Variants in AOAH observed in about 807,000 individuals in gnomAD.
AOAH encodes the protein acyloxyacyl hydrolase (neutrophil).
Under a neutral mutation model 92.2 loss-of-function variants are expected in AOAH, and 64 were observed. The observed-to-expected ratio is 0.69, with a 90% CI of 0.57 to 0.86. The LOEUF is 0.86. AOAH is among the 40% of genes least tolerant of loss of function. AOAH has a pLI of 0.00. For missense variants in AOAH, 656 were observed against 694.6 expected (o/e 0.94, Z 0.62); for synonymous variants, 263 against 254.5 (o/e 1.03, Z -0.32).
At chr7:36,656,302 C>T (rs879739697) in intron 4 of AOAH, among the ~76,000 whole-genome samples, 8 of 152,190 alleles carry the variant, frequency 5.3e-5, no homozygotes, top group East Asian at 1.9e-4. Context: ...GCCTTTGATA[C>T]GACATTCAAG....
intron 13 of AOAH, among the ~76,000 whole-genome samples, chr7:36,571,185 A>G (rs889178935): frequency 5.3e-5 from 8 of 152,194 alleles, no homozygotes; most frequent in African/African-American, 1.9e-4. Flanking sequence ...CCCAGGTCTC[A>G]AAGAGTGAAA....
intron 16 of AOAH, among the ~76,000 whole-genome samples, chr7:36,537,384 C>T (rs1390145265): frequency 1.3e-5 from 2 of 152,026 alleles, no homozygotes; most frequent in African/African-American, 4.8e-5. Flanking sequence ...AAGGCAAAAT[C>T]TAGAGCAGTC....
At chr7:36,647,923 T>C (rs978742131) in intron 4 of AOAH, among the ~76,000 whole-genome samples, 4 of 151,796 alleles carry the variant, frequency 2.6e-5, no homozygotes, top group Admixed American at 6.6e-5. Context: ...CTCCGCCTCC[T>C]GGGTTCAAAC....
intron 19 of AOAH, among the ~76,000 whole-genome samples, chr7:36,529,782 T>C (rs1275548651): frequency 6.6e-6 from 1 of 152,212 alleles, no homozygotes; most frequent in Non-Finnish European, 1.5e-5. Flanking sequence ...AGACTCAAGA[T>C]GTAAAGAGTA....
At chr7:36,680,257 A>G (rs969696109) in intron 2 of AOAH, among the ~76,000 whole-genome samples, 2 of 152,222 alleles carry the variant, frequency 1.3e-5, no homozygotes, top group Non-Finnish European at 1.5e-5. Context: ...GCAGTGGATG[A>G]AACTGAGGGT....
At chr7:36,616,359 A>T in intron 11 of AOAH, 21 bp downstream of exon 11, 1 of 1,596,474 alleles carries the variant, frequency 6.3e-7, no homozygotes, top group Non-Finnish European at 8.6e-7. Flanking sequence ...ATCTGGAATG[A>T]TTACTGCCAA....
intron 4 of AOAH, among the ~76,000 whole-genome samples, chr7:36,645,426 C>A (rs1794167039): frequency 6.6e-6 from 1 of 152,176 alleles, no homozygotes; most frequent in Non-Finnish European, 1.5e-5. Context: ...GTCTAGGGTA[C>A]TTTGTTAGAG....
At chr7:36,703,415 T>C (rs558926040) in intron 1 of AOAH, among the ~76,000 whole-genome samples, 132 of 152,350 alleles carry the variant, frequency 8.7e-4, no homozygotes, top group African/African-American at 3.1e-3. Flanking sequence ...TAAATTATAC[T>C]TTAAGTTCTG....
intron 12 of AOAH, among the ~76,000 whole-genome samples, chr7:36,592,248 G>A (rs1455604940): frequency 6.6e-6 from 1 of 152,094 alleles, no homozygotes; most frequent in African/African-American, 2.4e-5. Context: ...TGAAATTGGG[G>A]GGATGACCAA....
At chr7:36,587,887 A>G (rs1386097175) in intron 12 of AOAH, among the ~76,000 whole-genome samples, 2 of 152,336 alleles carry the variant, frequency 1.3e-5, no homozygotes, top group East Asian at 3.9e-4. Context: ...AGTATCTGCC[A>G]TATATCCAAG....
intron 1 of AOAH, among the ~76,000 whole-genome samples, chr7:36,706,356 T>C (rs1798409437): frequency 6.6e-6 from 1 of 152,138 alleles, no homozygotes; most frequent in Non-Finnish European, 1.5e-5. Context: ...TTCTGAGCAG[T>C]AGGTCTCCAC....
At chr7:36,661,382 GA>G (rs1231631705) in intron 3 of AOAH, 10 of 152,212 alleles carry the variant, frequency 6.6e-5, no homozygotes, top group African/African-American at 2.4e-4. Flanking sequence ...CAGTCTGCAG[GA>G]TGGGTTCTGA....
intron 16 of AOAH, among the ~76,000 whole-genome samples, chr7:36,532,724 A>G (rs1340155949): frequency 6.6e-6 from 1 of 152,172 alleles, no homozygotes; most frequent in Admixed American, 6.5e-5. Context: ...CCCTGGTATG[A>G]AATGCTCCCT....
chr7:36,521,910 G>A (rs572156061), intron 20 of AOAH, 129 bp downstream of exon 20: 19 of 740,152 alleles, frequency 2.6e-5, no homozygotes, highest in Admixed American at 1.3e-4. Context: ...TCCTATACAT[G>A]TATGTACACT....
In AOAH at chr7:36,548,249, G is replaced by C. The variant is rs554459421; in HGVS notation, c.1133+363C>G. On this transcript the variant is annotated intron_variant, in intron 15 of 20. Transcript: ENST00000617537. Reference sequence around the variant, plus strand: ...CGCTCAGGCTGGAGTGCAGTGGCACGATCTCAGCTCATGGCAACCTCTGTC... The same window carrying C: ...CGCTCAGGCTGGAGTGCAGTGGCACCATCTCAGCTCATGGCAACCTCTGTC... 2.0e-4 allele frequency among the ~76,000 whole-genome samples: 30 copies of C among 152,152 alleles called. 1 individual carries two copies. The highest frequency in any genetic ancestry group is 1.7e-3 in the Admixed American group (26 of 15,278).
At chr7:36,521,851 T>G (rs1477904376) in intron 20 of AOAH, among the ~76,000 whole-genome samples, 188 bp downstream of exon 20, 3 of 152,234 alleles carry the variant, frequency 2.0e-5, no homozygotes, top group Non-Finnish European at 4.4e-5. Context: ...AATTTCTACT[T>G]TATTTCCCTA....
chr7:36,718,232 A>G (rs1338719135), intron 1 of AOAH, among the ~76,000 whole-genome samples: 1 of 152,202 alleles, frequency 6.6e-6, no homozygotes, highest in Admixed American at 6.5e-5. Flanking sequence ...TCATTTGGGA[A>G]ATACAAATTA....
At chr7:36,708,892 C>T (rs1798591987) in intron 1 of AOAH, among the ~76,000 whole-genome samples, 1 of 152,118 alleles carries the variant, frequency 6.6e-6, no homozygotes. Flanking sequence ...CTACAATGGC[C>T]TCTAACTGTT....
At chr7:36,622,523 A>G (rs1792354915) in intron 7 of AOAH, among the ~76,000 whole-genome samples, 1 of 152,190 alleles carries the variant, frequency 6.6e-6, no homozygotes, top group Admixed American at 6.5e-5. Flanking sequence ...GTTGGTTTTC[A>G]CAGGGAATAC....
Sources: gnomAD v4.1 joint callset for allele counts (sites outside exome capture counted in the v4.1 genomes callset) on GRCh38, gnomAD v4.1.1 for gene constraint, MANE v1.5 for transcripts, NCBI Gene and HGNC (gene_info 2026-07-23, HGNC 2026-07-21) for gene names.